The following ACOT7 variants were observed in gnomAD, a reference collection of about 807,000 sequenced individuals.
ACOT7 encodes the protein acyl-CoA thioesterase 7.
ACOT7 carries 12 observed loss-of-function variants against 40.2 expected under a neutral mutation model. The ratio of observed to expected loss-of-function variants is 0.30; its 90% CI spans 0.19 to 0.48. The LOEUF is 0.48. ACOT7 is among the 20% of genes least tolerant of loss of function. ACOT7 has a pLI of 0.99. For synonymous variants in ACOT7, 228 were observed against 219.5 expected (o/e 1.04, Z -0.34); for missense variants, 395 against 530.8 (o/e 0.74, Z 2.51).
rs906399261 is a variant in ACOT7 at position 6,358,653 on chromosome 1, T to A, written c.144-8787A>T. Among the ~76,000 whole-genome samples the A allele has an allele frequency of 1.3e-5, 2 of 152,166 alleles. No individual in the cohort carries two copies. Among genetic ancestry groups the A allele is most frequent in the African/African-American group, 4.8e-5 (2 of 41,420 alleles). On this transcript the variant is annotated intron_variant, in intron 1 of 8. Transcript: ENST00000361521. This position sits in a 1 kb window ranked among gnomAD's most constrained non-coding sequence, Gnocchi z 4.1. ...CTGACCACCTAATCTTGGGGGTCAGTAAGAGCCAGGCCAGGTGGGTGCCCT... is the reference window on the plus strand; with the variant it reads ...CTGACCACCTAATCTTGGGGGTCAGAAAGAGCCAGGCCAGGTGGGTGCCCT...
chr1:6,321,394 C>T (rs1218068514), intron 5 of ACOT7, among the ~76,000 whole-genome samples: 1 of 152,210 alleles, frequency 6.6e-6, no homozygotes, highest in Non-Finnish European at 1.5e-5. Flanking sequence ...CCAAGTGTCA[C>T]GCTCAAGCCT....
Position 6,393,345 on chromosome 1 carries a change from G to A in ACOT7, c.55C>T (p.Leu19Phe). Residue 19 changes from leucine (L) to phenylalanine (F), a missense_variant, in exon 1 of 9, where the codon CTT becomes TTT. This residue lies in a region of ACOT7 where 86 missense variants were observed against 60.5 expected (regional missense o/e 1.42). Transcript: ENST00000361521. ...GCGGATGCGGCGGGCGGCTGCAGAA[G>A]GGCGCAGGTGTCTGGCAGGCCCGGC... ...SAPGLPDTCA[L>F]LQPPAASAAA... The A allele has an allele frequency of 8.0e-7, 1 of 1,251,816 alleles. No individual in the cohort carries two copies. Among genetic ancestry groups the A allele is most frequent in the East Asian group, 3.0e-5 (1 of 33,072 alleles). The allele number at this position is 1,251,816 out of a possible 1,614,324, so 77.5% of individuals were successfully genotyped here. A position where few individuals can be genotyped will look rare whatever the true frequency, so the allele number is the denominator to read the frequency against.
intron 1 of ACOT7, among the ~76,000 whole-genome samples, chr1:6,361,762 G>A (rs1173152896): frequency 1.3e-5 from 2 of 152,026 alleles, no homozygotes; most frequent in Non-Finnish European, 2.9e-5. Flanking sequence ...ACGTCACTGC[G>A]TTACTGCATT....
intron 1 of ACOT7, among the ~76,000 whole-genome samples, chr1:6,372,636 C>T (rs532973635): frequency 9.0e-4 from 136 of 151,458 alleles, no homozygotes; most frequent in African/African-American, 3.1e-3. Context: ...CTGCAACCTC[C>T]ACCTCTGGGT....
chr1:6,327,232 C>G (rs889060479), intron 5 of ACOT7, 67 bp downstream of exon 5: 13 of 1,513,302 alleles, frequency 8.6e-6, no homozygotes, highest in Middle Eastern at 1.8e-4. Context: ...GTAGGCCCGG[C>G]CTGCTCCTGC....
At chr1:6,319,897 T>G (rs6702690) in intron 5 of ACOT7, among the ~76,000 whole-genome samples, 2 of 152,086 alleles carry the variant, frequency 1.3e-5, no homozygotes, top group African/African-American at 2.4e-5. Flanking sequence ...GTGAACATGG[T>G]CAGGCCAGGG....
chr1:6,308,451 C>A (rs370707096), intron 6 of ACOT7, among the ~76,000 whole-genome samples: 4 of 144,922 alleles, frequency 2.8e-5, no homozygotes, highest in East Asian at 2.1e-4. Context: ...GAGGGAACCA[C>A]GACCAGGTGG....
intron 6 of ACOT7, among the ~76,000 whole-genome samples, chr1:6,307,276 A>G (rs1007149408): frequency 6.6e-6 from 1 of 152,226 alleles, no homozygotes; most frequent in African/African-American, 2.4e-5. Flanking sequence ...GCCTGGCACA[A>G]TCCTCTGGGT....
intron 5 of ACOT7, among the ~76,000 whole-genome samples, chr1:6,326,896 C>T (rs1365541230): frequency 6.7e-6 from 1 of 149,222 alleles, no homozygotes; most frequent in Non-Finnish European, 1.5e-5. Flanking sequence ...TGTGCCAGTG[C>T]ACTCCAGCTT....
At chr1:6,386,441 C>T (rs773482688) in intron 1 of ACOT7, among the ~76,000 whole-genome samples, 15 of 152,192 alleles carry the variant, frequency 9.9e-5, no homozygotes, top group Non-Finnish European at 1.8e-4. Context: ...CAGCTCAGGG[C>T]ACCTCTGGTC....
At chr1:6,272,821 T>G (rs984791220) in intron 8 of ACOT7, among the ~76,000 whole-genome samples, 3 of 152,230 alleles carry the variant, frequency 2.0e-5, no homozygotes, top group African/African-American at 7.2e-5. Context: ...CTCGCTCACC[T>G]TCCGCAGCAC....
chr1:6,383,344 C>A (rs191600589), intron 1 of ACOT7, among the ~76,000 whole-genome samples: 21 of 150,512 alleles, frequency 1.4e-4, no homozygotes, highest in African/African-American at 4.1e-4. Flanking sequence ...CCCACCATGA[C>A]GCCTGGCTAA....
intron 1 of ACOT7, among the ~76,000 whole-genome samples, chr1:6,387,658 G>A (rs974018840): frequency 1.3e-5 from 2 of 152,216 alleles, no homozygotes; most frequent in Admixed American, 1.3e-4. Context: ...GGGTCACACA[G>A]GAGAAAGCCA....
In ACOT7 at chr1:6,393,400, A is replaced by G. The variant is rs1557678721; in HGVS notation, c.-1T>C. 51 of 1,228,374 alleles carry G rather than the reference A, an allele frequency of 4.2e-5. No homozygotes were observed. Among genetic ancestry groups the G allele is most frequent in the Non-Finnish European group, 5.1e-5 (50 of 981,570 alleles). The allele number at this position is 1,228,374 out of a possible 1,614,324, so 76.1% of individuals were successfully genotyped here. ...AATGAATGAGCCCGGGCCGCGCCAT[A>G]AAGGGGGAGGGCAGAGGTGGAGCGA... On this transcript the variant is annotated 5_prime_UTR_variant, in exon 1 of 9. Transcript: ENST00000361521.
chr1:6,393,344 A>G lies in ACOT7; in HGVS notation c.56T>C (p.Leu19Pro). 8 of 1,253,108 alleles carry G rather than the reference A, an allele frequency of 6.4e-6. No individual in the cohort carries two copies. The South Asian group carries it at 1.1e-4, about 18-fold the overall frequency. 77.6% of individuals were successfully genotyped at this position (1,253,108 alleles called of 1,614,324 possible). ...GGCGGATGCGGCGGGCGGCTGCAGA[A>G]GGGCGCAGGTGTCTGGCAGGCCCGG... ...SAPGLPDTCA[L>P]LQPPAASAAA... The change falls in exon 1 of 9, where the codon CTT (leucine) becomes CCT (proline). Residue 19 changes from leucine (L) to proline (P), a missense_variant. Leu to Pro is a moderately conservative substitution (Grantham distance 98, BLOSUM62 -3). Coordinates refer to ENST00000361521, the MANE Select transcript of ACOT7 (RefSeq NM_007274.4).
chr1:6,363,447 G>A (rs541261856), intron 1 of ACOT7, among the ~76,000 whole-genome samples: 5 of 152,268 alleles, frequency 3.3e-5, no homozygotes, highest in South Asian at 2.1e-4. Context: ...GCAGTTATCC[G>A]GAGGCCTGTC....
intron 8 of ACOT7, among the ~76,000 whole-genome samples, chr1:6,273,094 C>G (rs1639082447): frequency 6.6e-6 from 1 of 152,236 alleles, no homozygotes; most frequent in South Asian, 2.1e-4. Flanking sequence ...TTTTTAACCC[C>G]CCGCAGCCGG....
chr1:6,281,366 C>G, intron 7 of ACOT7, 80 bp from the exon 8 acceptor site: 2 of 1,288,098 alleles, frequency 1.6e-6, no homozygotes, highest in South Asian at 2.5e-5. Flanking sequence ...CTGTGGTCAG[C>G]AGGCAGACAC....
chr1:6,289,501 A>G lies in ACOT7; in HGVS notation c.829+5363T>C, dbSNP rs1361024444. On this transcript the variant is annotated intron_variant, in intron 7 of 8. Transcript: ENST00000361521. This position sits in a 1 kb window ranked among gnomAD's most constrained non-coding sequence, Gnocchi z 4.6. Reference sequence around the variant, plus strand: ...ACTGCAGCCTCTGCCTCCTGGGCTCATGTGATCCTCCTCCCTTAGCTTCCT... The same window carrying G: ...ACTGCAGCCTCTGCCTCCTGGGCTCGTGTGATCCTCCTCCCTTAGCTTCCT... Among the ~76,000 whole-genome samples the G allele has an allele frequency of 1.3e-5, 2 of 151,918 alleles. No homozygotes were observed. Among genetic ancestry groups the G allele is most frequent in the African/African-American group, 4.8e-5 (2 of 41,322 alleles).
Sources: allele counts gnomAD v4.1 joint callset (sites outside exome capture counted in the v4.1 genomes callset), GRCh38; gene constraint gnomAD v4.1.1; regional missense constraint gnomAD v4.1.1; non-coding constraint Gnocchi (gnomAD v3.1); transcripts MANE v1.5; gene names NCBI Gene and HGNC (gene_info 2026-07-23, HGNC 2026-07-21).